The following BICD1 variants were observed in gnomAD, a reference collection of about 807,000 sequenced individuals.
The protein encoded by BICD1 is protein bicaudal D homolog 1.
In BICD1, 35 loss-of-function variants were observed where a neutral mutation model predicts 92.5. The ratio of observed to expected loss-of-function variants is 0.38; its 90% CI spans 0.29 to 0.50. The LOEUF (loss-of-function observed/expected upper bound fraction) is 0.50. Ranked by LOEUF, BICD1 falls within the 20% of genes least tolerant of loss-of-function variation. The probability of loss-of-function intolerance (pLI) is 0.93; values close to 1 mark genes in which losing one functional copy is unlikely to be tolerated. For synonymous variants in BICD1, 429 were observed against 465.1 expected, an observed-to-expected ratio of 0.92 and a Z score of 1.00; for missense variants, 950 against 1,189.8, an observed-to-expected ratio of 0.80 and a Z score of 2.97.
chr12:32,177,787 T>TTTAATATATATTTAA (rs1944158154), intron 1 of BICD1, among the ~76,000 whole-genome samples: 1 of 45,422 alleles, frequency 2.2e-5, no homozygotes, highest in African/African-American at 8.2e-5. Flanking sequence ...ATATAAATAT[T>TTTAATATATATTTAA]TATAAAAATA....
chr12:32,352,301 G>C (rs1276216129), intron 8 of BICD1: 1 of 152,076 alleles, frequency 6.6e-6, no homozygotes, highest in Non-Finnish European at 1.5e-5. Flanking sequence ...GGGAGGCCGA[G>C]GCGGGTGGAT....
chr12:32,374,117 G>A (rs1939839899), intron 9 of BICD1, among the ~76,000 whole-genome samples: 1 of 151,732 alleles, frequency 6.6e-6, no homozygotes, highest in South Asian at 2.1e-4. Context: ...AGGAGGCTGA[G>A]GCACTAGAAT....
intron 1 of BICD1, among the ~76,000 whole-genome samples, chr12:32,136,034 G>A (rs1228366683): frequency 6.6e-6 from 1 of 152,126 alleles, no homozygotes; most frequent in Admixed American, 6.5e-5. Context: ...ATATATATAG[G>A]AGTACCTGGC....
chr12:32,260,255 G>C (rs1360503912), intron 2 of BICD1, among the ~76,000 whole-genome samples: 1 of 152,070 alleles, frequency 6.6e-6, no homozygotes, highest in Non-Finnish European at 1.5e-5. Context: ...TGTTGAACTG[G>C]TTGCCAACGT....
At chr12:32,348,367 T>C (rs1460907214) in intron 8 of BICD1, among the ~76,000 whole-genome samples, 4 of 152,288 alleles carry the variant, frequency 2.6e-5, no homozygotes, top group Admixed American at 2.6e-4. Flanking sequence ...GTCTTTTAGA[T>C]TTTGTTAAAA....
chr12:32,269,362 TA>T (rs1359912221), intron 2 of BICD1, among the ~76,000 whole-genome samples: 9 of 152,380 alleles, frequency 5.9e-5, no homozygotes, highest in African/African-American at 1.7e-4. Flanking sequence ...TTTGTTTCTT[TA>T]ATGTGAATTA....
intron 1 of BICD1, among the ~76,000 whole-genome samples, chr12:32,142,093 T>C (rs886835760): frequency 1.3e-5 from 2 of 152,132 alleles, no homozygotes; most frequent in Non-Finnish European, 2.9e-5. Flanking sequence ...TGAAACTCTA[T>C]TGAAGTATGT....
At position 32,327,532 on chromosome 12, in the gene BICD1, G is replaced by A. The variant is rs199508502; in HGVS notation, c.1077G>A (p.Gly359=). Residue 359 remains glycine, a synonymous_variant, in exon 5 of 10, where the codon GGG becomes GGA. Transcript: ENST00000652176. Reference sequence around the variant, plus strand: ...AGACACAGCTGGAACACACCAAGGGGGCACTGACGGAGCAGCATGAGCGGG... The same window carrying A: ...AGACACAGCTGGAACACACCAAGGGAGCACTGACGGAGCAGCATGAGCGGG... ...ESQTQLEHTK[G]ALTEQHERVH... is the part of the protein sequence containing the mutation. The A allele has an allele frequency of 8.1e-6, 13 of 1,614,172 alleles. No homozygotes were observed. The highest frequency in any genetic ancestry group is 1.1e-5 in the Non-Finnish European group (13 of 1,180,028).
intron 1 of BICD1, among the ~76,000 whole-genome samples, chr12:32,152,256 CTTTTT>C (rs34386503): frequency 6.8e-6 from 1 of 146,074 alleles, no homozygotes; most frequent in African/African-American, 2.5e-5. Flanking sequence ...TTTTTTTTAA[CTTTTT>C]TTTTTTTTTA....
intron 8 of BICD1, among the ~76,000 whole-genome samples, chr12:32,360,170 T>TC (rs1939269915): frequency 6.7e-6 from 1 of 148,624 alleles, no homozygotes; most frequent in African/African-American, 2.5e-5. Context: ...AGAGTGAGAC[T>TC]CCATCTCAAA....
At chr12:32,333,302 T>G in intron 5 of BICD1, 1 of 964,984 alleles carries the variant, frequency 1.0e-6, no homozygotes, top group South Asian at 4.8e-5. Flanking sequence ...CTCCAAGTAT[T>G]TACAGAACAT....
chr12:32,283,058 G>T (rs1947462211), intron 2 of BICD1, among the ~76,000 whole-genome samples: 1 of 152,158 alleles, frequency 6.6e-6, no homozygotes, highest in African/African-American at 2.4e-5. Context: ...ATGAAGGTGG[G>T]GATAGAAGCC....
At chr12:32,158,481 T>A (rs1943509880) in intron 1 of BICD1, among the ~76,000 whole-genome samples, 1 of 151,928 alleles carries the variant, frequency 6.6e-6, no homozygotes, top group South Asian at 2.1e-4. Context: ...AATTTAAAAA[T>A]TTAAAATAAA....
chr12:32,262,962 G>A (rs1316338042), intron 2 of BICD1, among the ~76,000 whole-genome samples: 3 of 151,592 alleles, frequency 2.0e-5, no homozygotes, highest in Non-Finnish European at 4.4e-5. Flanking sequence ...TGGCCAACAT[G>A]GTGAAATCTC....
chr12:32,237,745 C>G (rs1194129441), intron 2 of BICD1, among the ~76,000 whole-genome samples: 1 of 152,052 alleles, frequency 6.6e-6, no homozygotes, highest in African/African-American at 2.4e-5. Context: ...TGAGACCTAC[C>G]ACTCAGAAAA....
At chr12:32,359,859 T>C (rs1939254423) in intron 8 of BICD1, among the ~76,000 whole-genome samples, 1 of 152,134 alleles carries the variant, frequency 6.6e-6, no homozygotes, top group Non-Finnish European at 1.5e-5. Flanking sequence ...CCTTATATCA[T>C]CAACTTCCAT....
chr12:32,272,175 T>C (rs891668528), intron 2 of BICD1, among the ~76,000 whole-genome samples: 1 of 152,202 alleles, frequency 6.6e-6, no homozygotes, highest in Non-Finnish European at 1.5e-5. Context: ...ATAAATCATA[T>C]ACATGTTGCT....
At chr12:32,211,840 G>A (rs1210118962) in intron 1 of BICD1, among the ~76,000 whole-genome samples, 1 of 152,206 alleles carries the variant, frequency 6.6e-6, no homozygotes, top group African/African-American at 2.4e-5. Flanking sequence ...CCACTGTGGG[G>A]AGAGGGAGAG....
At chr12:32,322,397 C>T (rs190694633) in intron 4 of BICD1, among the ~76,000 whole-genome samples, 3 of 152,068 alleles carry the variant, frequency 2.0e-5, no homozygotes, top group Admixed American at 6.6e-5. Flanking sequence ...AGATAGGGTG[C>T]GGGTGGTCTG....
Sources: allele counts gnomAD v4.1 joint callset (sites outside exome capture counted in the v4.1 genomes callset), GRCh38; gene constraint gnomAD v4.1.1; transcripts MANE v1.5; gene names NCBI Gene and HGNC (gene_info 2026-07-23, HGNC 2026-07-21).